DIS3L2: variants seen among roughly 807,000 people sequenced by gnomAD.
The protein encoded by DIS3L2 is DIS3-like exonuclease 2.
DIS3L2 carries 34 observed loss-of-function variants against 97.5 expected under a neutral mutation model. The observed-to-expected ratio is 0.35, with a 90% CI of 0.27 to 0.46. The LOEUF (loss-of-function observed/expected upper bound fraction) is 0.46. DIS3L2 is among the 20% of genes least tolerant of loss of function. DIS3L2 has a pLI of 1.00. For synonymous variants in DIS3L2, 435 were observed against 445.2 expected (o/e 0.98, Z 0.29); for missense variants, 1,038 against 1,146.0 (o/e 0.91, Z 1.36).
At chr2:231,992,868 T>G (rs566722096) in intron 1 of DIS3L2, among the ~76,000 whole-genome samples, 1 of 152,194 alleles carries the variant, frequency 6.6e-6, no homozygotes, top group African/African-American at 2.4e-5. Context: ...GGAGGCCATT[T>G]TTTCTCAGTC....
At chr2:232,343,774 G>A in exon 14 of DIS3L2, 1 of 580,088 alleles carries the variant, frequency 1.7e-6, no homozygotes, top group Non-Finnish European at 3.0e-6. Context: ...GCCTTGCAGA[G>A]GTTTGCAGCA....
At chr2:232,186,824 A>ACAT (rs1691450370) in intron 9 of DIS3L2, among the ~76,000 whole-genome samples, 1 of 152,232 alleles carries the variant, frequency 6.6e-6, no homozygotes, top group Admixed American at 6.5e-5. Context: ...TTTAAAGTGG[A>ACAT]TCGTAGACCT....
intron 12 of DIS3L2, among the ~76,000 whole-genome samples, chr2:232,257,606 C>A (rs776412143): frequency 7.2e-5 from 11 of 152,174 alleles, no homozygotes; most frequent in Non-Finnish European, 1.3e-4. Context: ...CATACGGAAG[C>A]CCGGAGCTCC....
intron 6 of DIS3L2, among the ~76,000 whole-genome samples, chr2:232,104,179 G>C (rs905287434): frequency 1.3e-5 from 2 of 152,186 alleles, no homozygotes; most frequent in Admixed American, 6.5e-5. Flanking sequence ...TGAAGTTCAT[G>C]ATAGAGGTCT....
At chr2:232,263,992 T>C (rs2106282019) in intron 13 of DIS3L2, among the ~76,000 whole-genome samples, 1 of 152,356 alleles carries the variant, frequency 6.6e-6, no homozygotes, top group East Asian at 1.9e-4. Flanking sequence ...GTCCCATTGT[T>C]TTGGGCACCA....
intron 9 of DIS3L2, among the ~76,000 whole-genome samples, chr2:232,205,375 C>T (rs774838891): frequency 2.7e-4 from 41 of 152,104 alleles, no homozygotes; most frequent in Non-Finnish European, 4.7e-4. Context: ...CCCACTTCTA[C>T]TACTAACTGG....
intron 6 of DIS3L2, among the ~76,000 whole-genome samples, chr2:232,098,186 A>G (rs1697082819): frequency 2.6e-5 from 4 of 152,156 alleles, no homozygotes; most frequent in Admixed American, 1.3e-4. Flanking sequence ...TGAAGTTTAC[A>G]AAAGAAATAT....
At chr2:231,985,319 A>C (rs1693380027) in intron 1 of DIS3L2, among the ~76,000 whole-genome samples, 1 of 152,248 alleles carries the variant, frequency 6.6e-6, no homozygotes, top group Admixed American at 6.5e-5. Context: ...CTATATAAAC[A>C]GAATCATATA....
chr2:232,271,516 A>G (rs1685916338), intron 13 of DIS3L2, among the ~76,000 whole-genome samples: 1 of 152,226 alleles, frequency 6.6e-6, no homozygotes, highest in African/African-American at 2.4e-5. Context: ...TTAAACATTG[A>G]CGACTTACTA....
intron 9 of DIS3L2, among the ~76,000 whole-genome samples, chr2:232,169,175 C>G (rs1303207213): frequency 6.6e-6 from 1 of 152,008 alleles, no homozygotes; most frequent in East Asian, 1.9e-4. Context: ...ATTGATTTTC[C>G]TAGGAATGTC....
At chr2:232,335,910 T>C in intron 20 of DIS3L2, 36 bp downstream of exon 20, 1 of 1,549,466 alleles carries the variant, frequency 6.5e-7, no homozygotes, top group Non-Finnish European at 8.7e-7. Flanking sequence ...CCCTAAGTCC[T>C]GATGACCCCT....
Position 232,336,737 on chromosome 2 carries a change from A to AG in DIS3L2, c.*111dup, listed in dbSNP as rs1559222012. On this transcript the variant is annotated 3_prime_UTR_variant, in exon 21 of 21. Coordinates refer to ENST00000325385, the MANE Select transcript of DIS3L2 (RefSeq NM_152383.5). ...TTTTTAATTTGGTTTTTAACAACTC[A>AG]GGGGTTTGTTTTTATTTTTATTTAA... The AG allele has an allele frequency of 5.4e-6, 8 of 1,492,554 alleles. No homozygotes were observed. Among genetic ancestry groups the AG allele is most frequent in the Non-Finnish European group, 6.2e-6 (7 of 1,131,910 alleles). The allele number at this position is 1,492,554 out of a possible 1,614,324, so 92.5% of individuals were successfully genotyped here.
chr2:232,094,877 T>C (rs554060490), intron 6 of DIS3L2, among the ~76,000 whole-genome samples: 2 of 152,294 alleles, frequency 1.3e-5, no homozygotes, highest in East Asian at 3.9e-4. Context: ...ACCTTCTTGC[T>C]GAATTGACCC....
At chr2:232,107,321 G>A (rs1217551190) in intron 6 of DIS3L2, among the ~76,000 whole-genome samples, 3 of 152,112 alleles carry the variant, frequency 2.0e-5, no homozygotes, top group Non-Finnish European at 1.5e-5. Context: ...CCAGGAGCTG[G>A]TTTTTTGAAA....
intron 13 of DIS3L2, among the ~76,000 whole-genome samples, chr2:232,272,228 C>T (rs1000507549): frequency 3.9e-5 from 6 of 152,122 alleles, no homozygotes; most frequent in Non-Finnish European, 7.3e-5. Context: ...AGGTGATATC[C>T]GACCAGTACA....
At chr2:232,121,578 A>G (rs1376536502) in intron 6 of DIS3L2, among the ~76,000 whole-genome samples, 3 of 152,136 alleles carry the variant, frequency 2.0e-5, no homozygotes, top group Admixed American at 2.0e-4. Flanking sequence ...TCTTGGTTGC[A>G]CTGAAATACT....
chr2:232,084,810 A>AC (rs33910415), intron 5 of DIS3L2, among the ~76,000 whole-genome samples: 1 of 151,568 alleles, frequency 6.6e-6, no homozygotes, highest in African/African-American at 2.4e-5. Flanking sequence ...AAAAAAAAAA[A>AC]AGCATTGTTT....
At chr2:232,119,589 T>C (rs536748564) in intron 6 of DIS3L2, among the ~76,000 whole-genome samples, 1 of 152,346 alleles carries the variant, frequency 6.6e-6, no homozygotes, top group Admixed American at 6.5e-5. Context: ...AAAACTTCAG[T>C]AGAGAAATTT....
At chr2:232,343,365 G>A in exon 14 of DIS3L2, 3 of 1,557,494 alleles carry the variant, frequency 1.9e-6, no homozygotes, top group South Asian at 1.2e-5. Flanking sequence ...ACAAGGATGG[G>A]GCTGCCCATC....
Sources: allele counts gnomAD v4.1 joint callset (sites outside exome capture counted in the v4.1 genomes callset), GRCh38; gene constraint gnomAD v4.1.1; transcripts MANE v1.5; gene names NCBI Gene and HGNC (gene_info 2026-07-23, HGNC 2026-07-21).